ABLIM3: variants seen among roughly 807,000 people sequenced by gnomAD.
The protein encoded by ABLIM3 is actin-binding LIM protein 3.
Under a neutral mutation model 109.5 loss-of-function variants are expected in ABLIM3, and 61 were observed. The ratio of observed to expected loss-of-function variants is 0.56; its 90% confidence interval spans 0.45 to 0.69. The LOEUF is 0.69. ABLIM3 is among the 30% of genes least tolerant of loss of function. ABLIM3 has a pLI of 0.00. For synonymous variants in ABLIM3, 300 were observed against 324.8 expected (o/e 0.92, Z 0.82); for missense variants, 796 against 889.5 (o/e 0.89, Z 1.34).
At chr5:149,194,276 A>C (rs1274445765) in intron 3 of ABLIM3, among the ~76,000 whole-genome samples, 2 of 152,242 alleles carry the variant, frequency 1.3e-5, no homozygotes, top group African/African-American at 4.8e-5. Flanking sequence ...CATTTGAAAA[A>C]AATTCTCAAT....
At chr5:149,185,462 A>T (rs1049993871) in intron 3 of ABLIM3, among the ~76,000 whole-genome samples, 13 of 152,116 alleles carry the variant, frequency 8.5e-5, no homozygotes, top group African/African-American at 2.7e-4. Flanking sequence ...CAAATGGCCA[A>T]CCCAGATTCA....
chr5:149,238,972 C>A (rs1752514621), intron 11 of ABLIM3, among the ~76,000 whole-genome samples: 1 of 152,204 alleles, frequency 6.6e-6, no homozygotes, highest in African/African-American at 2.4e-5. Context: ...AAGTCCCTGC[C>A]ACTTCTGCCC....
intron 4 of ABLIM3, 67 bp from the exon 5 acceptor site, chr5:149,200,249 A>G: frequency 1.4e-6 from 2 of 1,386,834 alleles, no homozygotes; most frequent in South Asian, 2.3e-5. Flanking sequence ...CTTTGAGCAC[A>G]TGTGTGGTCA....
At chr5:149,162,565 A>G (rs985086416) in intron 2 of ABLIM3, among the ~76,000 whole-genome samples, 2 of 152,164 alleles carry the variant, frequency 1.3e-5, no homozygotes, top group Non-Finnish European at 2.9e-5. Flanking sequence ...AAAGAAAGAA[A>G]CCTTTCATCA....
intron 6 of ABLIM3, 148 bp downstream of exon 6, chr5:149,207,282 C>A (rs548183506): frequency 2.3e-6 from 3 of 1,295,560 alleles, no homozygotes; most frequent in Non-Finnish European, 3.1e-6. Context: ...TTCCCAGCAG[C>A]CTCTTTCCCC....
intron 2 of ABLIM3, among the ~76,000 whole-genome samples, chr5:149,161,890 C>CTGTGTGTGTGTGTGTATGTGTA (rs1754405048): frequency 1.3e-5 from 2 of 149,910 alleles, no homozygotes; most frequent in Admixed American, 1.3e-4. Context: ...TATGCGTGGG[C>CTGTGTGTGTGTGTGTATGTGTA]TGTGTGTGTG....
At chr5:149,247,974 C>T in intron 18 of ABLIM3, 45 bp downstream of exon 18, 1 of 1,587,430 alleles carries the variant, frequency 6.3e-7, no homozygotes. Context: ...ACACCTTTCT[C>T]TGTGACTAGC....
intron 15 of ABLIM3, 124 bp from the exon 16 acceptor site, chr5:149,244,757 A>G: frequency 8.1e-7 from 1 of 1,238,194 alleles, no homozygotes; most frequent in South Asian, 1.3e-5. Context: ...GTTCTAACAG[A>G]GAGCCCTGAT....
chr5:149,257,859 C>T (rs115035265), intron 23 of ABLIM3, among the ~76,000 whole-genome samples: 2,201 of 152,296 alleles, frequency 0.014, 64 homozygotes, highest in African/African-American at 0.049. Context: ...TTTGTTAAAA[C>T]ATCAGTAAGA....
chr5:149,233,347 C>T, intron 10 of ABLIM3, 47 bp downstream of exon 10: 1 of 1,566,006 alleles, frequency 6.4e-7, no homozygotes. Context: ...TATTCCTGAC[C>T]TGGTATATAA....
chr5:149,209,400 A>G (rs1225507733), intron 6 of ABLIM3, among the ~76,000 whole-genome samples: 1 of 151,972 alleles, frequency 6.6e-6, no homozygotes, highest in African/African-American at 2.4e-5. Context: ...TTGGCAAGGG[A>G]CTCCACTGCT....
chr5:149,207,244 G>C, intron 6 of ABLIM3, 110 bp downstream of exon 6: 1 of 1,456,378 alleles, frequency 6.9e-7, no homozygotes, highest in Middle Eastern at 2.4e-4. Context: ...CTTTCCGTCT[G>C]CTGCTGCATT....
intron 23 of ABLIM3, 54 bp from the exon 24 acceptor site, chr5:149,258,237 T>C: frequency 6.5e-7 from 1 of 1,545,826 alleles, no homozygotes; most frequent in Non-Finnish European, 8.9e-7. Context: ...TCTTGCATCC[T>C]CATGCTGCTC....
chr5:149,249,288 G>A (rs1344472019), intron 18 of ABLIM3, among the ~76,000 whole-genome samples: 6 of 152,198 alleles, frequency 3.9e-5, no homozygotes, highest in African/African-American at 1.2e-4. Flanking sequence ...TTATAGATGC[G>A]TCAGGCACTA....
chr5:149,149,343 A>G (rs1753217786), intron 2 of ABLIM3, among the ~76,000 whole-genome samples: 1 of 152,250 alleles, frequency 6.6e-6, no homozygotes, highest in African/African-American at 2.4e-5. Context: ...ATTGGGTCTC[A>G]GTGAATGGAG....
chr5:149,233,410 T>C (rs992319304), intron 10 of ABLIM3, 110 bp downstream of exon 10: 2 of 1,119,042 alleles, frequency 1.8e-6, no homozygotes, highest in East Asian at 4.8e-5. Flanking sequence ...TGACATTTGA[T>C]GCATGCTCTT....
In ABLIM3 at chr5:149,229,693, G is replaced by A. The variant is rs1156367550; in HGVS notation, c.758-956G>A. Among the ~76,000 whole-genome samples, 3 of 152,192 alleles carry A rather than the reference G, an allele frequency of 2.0e-5. No individual in the cohort carries two copies. In the East Asian group the frequency reaches 5.8e-4, roughly 29 times the overall value. ...CATTGCTGGCTTCTTTCCTTTTAGG[G>A]CTGGTTACAAGGGGAATGGCTCCAG... On this transcript the variant is annotated intron_variant, in intron 8 of 23. Coordinates refer to ENST00000309868, the MANE Select transcript of ABLIM3 (RefSeq NM_014945.5).
In ABLIM3 at chr5:149,195,822, C is replaced by T. The variant is rs115679331; in HGVS notation, c.152-2397C>T. ...ATGCCTGATGGAAGATGAACCCTTC[C>T]CAGACTTCTGCCACCACCACCATCT... On this transcript the variant is annotated intron_variant, in intron 3 of 23. Transcript: ENST00000309868. 5.1e-3 allele frequency among the ~76,000 whole-genome samples: 771 copies of T among 152,252 alleles called. 14 individuals carry two copies. The highest frequency in any genetic ancestry group is 0.018 in the African/African-American group (737 of 41,556).
chr5:149,248,645 G>A (rs1336705573), intron 18 of ABLIM3, among the ~76,000 whole-genome samples: 1 of 136,218 alleles, frequency 7.3e-6, no homozygotes, highest in Non-Finnish European at 1.5e-5. Flanking sequence ...AGCCGAGATT[G>A]CACCACTGCA....
Sources: allele counts gnomAD v4.1 joint callset (sites outside exome capture counted in the v4.1 genomes callset), GRCh38; gene constraint gnomAD v4.1.1; transcripts MANE v1.5; gene names NCBI Gene and HGNC (gene_info 2026-07-23, HGNC 2026-07-21).